The following CDK17 variants were observed in gnomAD, a reference collection of about 807,000 sequenced individuals.
CDK17 encodes cyclin-dependent kinase 17.
CDK17 carries 24 observed loss-of-function variants against 77.6 expected under a neutral mutation model. That is an observed-to-expected ratio of 0.31 (90% CI 0.22 to 0.44). The LOEUF is 0.44. Ranked by LOEUF, CDK17 falls within the 20% of genes least tolerant of loss-of-function variation. The pLI is 1.00. For synonymous variants in CDK17, 203 were observed against 210.4 expected (o/e 0.96, Z 0.30); for missense variants, 429 against 622.5 (o/e 0.69, Z 3.31).
chr12:96,278,973 A>G lies in CDK17; in HGVS notation c.*1269T>C, dbSNP rs1565799418. On this transcript the variant is annotated 3_prime_UTR_variant, in exon 17 of 17. Coordinates refer to ENST00000261211, the MANE Select transcript of CDK17 (RefSeq NM_002595.5). ...TTTTACAGTGAATTTCAGGAAAAGA[A>G]ATTAAGTTATGACTATTTTCATGAT... 6.6e-6 allele frequency: 1 copy of G among 152,554 alleles called. No individual in the cohort carries two copies. Among genetic ancestry groups the G allele is most frequent in the Admixed American group, 6.5e-5 (1 of 15,268 alleles). The allele number at this position is 152,554 out of a possible 1,614,324, so 9.5% of individuals were successfully genotyped here. A position where few individuals can be genotyped will look rare whatever the true frequency, so the allele number is the denominator to read the frequency against.
chr12:96,296,008 T>G (rs1952400218), intron 9 of CDK17, among the ~76,000 whole-genome samples: 1 of 152,232 alleles, frequency 6.6e-6, no homozygotes, highest in Admixed American at 6.5e-5. Flanking sequence ...GTCAACGGTA[T>G]GCCTGAATGA....
At position 96,319,572 on chromosome 12, in the gene CDK17, C is replaced by G. The variant is rs1592725842; in HGVS notation, c.283+4376G>C. 4.9e-5 allele frequency among the ~76,000 whole-genome samples: 7 copies of G among 143,642 alleles called. No individual in the cohort carries two copies. The East Asian group carries it at 1.4e-3, about 29-fold the overall frequency. The allele number at this position is 143,642 out of a possible 152,430, so 94.2% of individuals were successfully genotyped here. A position where few individuals can be genotyped will look rare whatever the true frequency, so the allele number is the denominator to read the frequency against. On this transcript the variant is annotated intron_variant, in intron 3 of 16. Coordinates refer to ENST00000261211, the MANE Select transcript of CDK17 (RefSeq NM_002595.5). ...TCAATAAAATACTGGCAAACGGAAT[C>G]CAGCAGCACATCAAAAAGCTTATCC...
chr12:96,397,767 T>C (rs1468750193), intron 1 of CDK17, among the ~76,000 whole-genome samples: 1 of 152,190 alleles, frequency 6.6e-6, no homozygotes, highest in Non-Finnish European at 1.5e-5. Context: ...AAAAAATCAA[T>C]GGAGCCTCAA....
chr12:96,297,663 G>A lies in CDK17; in HGVS notation c.774C>T (p.His258=), dbSNP rs1952427936. 6.2e-7 allele frequency: 1 copy of A among 1,605,560 alleles called. No homozygotes were observed. The highest frequency in any genetic ancestry group is 1.3e-5 in the African/African-American group (1 of 74,748). Residue 258 remains histidine, a synonymous_variant, in exon 8 of 17, where the codon CAC becomes CAT. Transcript: ENST00000261211. ...ACACCAAAGTCAAGGATTTATCTGT[G>A]TGAACAATGTCATGTAAGGTTACTA... is the stretch of plus-strand genomic sequence containing the variant. ...ANIVTLHDIV[H]TDKSLTLVFE...
In CDK17 at chr12:96,309,495, A is replaced by G. The variant is rs375917333; in HGVS notation, c.543+1557T>C. 2.6e-5 allele frequency among the ~76,000 whole-genome samples: 4 copies of G among 152,362 alleles called. No homozygotes were observed. In the East Asian group the frequency reaches 7.7e-4, roughly 29 times the overall value. The stretch of plus-strand genomic sequence containing the variant: ...GAATTTACATTAAAGTGATACTGCA[A>G]TAAGAAAAGTTATCCTTTGAATAAA... On this transcript the variant is annotated intron_variant, in intron 5 of 16. Coordinates refer to ENST00000261211, the MANE Select transcript of CDK17 (RefSeq NM_002595.5).
rs752257370 is a variant in CDK17, at chr12:96,286,155, TA to T, written c.1217-8del. The T allele has an allele frequency of 8.7e-3, 7,772 of 898,448 alleles. No homozygotes were observed. Among genetic ancestry groups the T allele is most frequent in the Middle Eastern group, 0.011 (28 of 2,502 alleles). 55.7% of individuals were successfully genotyped at this position (898,448 alleles called of 1,614,324 possible). ...GTTTCCTGAGATGGAGTTCCTGAAT[TA>T]AAAAAAAAAATTAAATATATTTATA... On this transcript the variant is annotated splice_polypyrimidine_tract_variant and splice_region_variant and intron_variant, in intron 12 of 16. Transcript: ENST00000261211.
chr12:96,311,992 T>C (rs1418680571), intron 4 of CDK17, among the ~76,000 whole-genome samples: 2 of 152,018 alleles, frequency 1.3e-5, no homozygotes, highest in African/African-American at 4.8e-5. Context: ...TATGTGTATA[T>C]GGGGGAGGGA....
chr12:96,289,330 A>G (rs1952289177), intron 10 of CDK17, 43 bp from the exon 11 acceptor site: 1 of 1,611,088 alleles, frequency 6.2e-7, no homozygotes, highest in Non-Finnish European at 8.5e-7. Flanking sequence ...AAAAGCTTTA[A>G]TGGATCTCTC....
intron 1 of CDK17, among the ~76,000 whole-genome samples, chr12:96,358,469 T>A (rs1359976599): frequency 6.7e-6 from 1 of 149,062 alleles, no homozygotes; most frequent in East Asian, 2.0e-4. Flanking sequence ...GTAAAATGTA[T>A]ACATATATTT....
At chr12:96,287,866 A>C (rs1385374399) in intron 11 of CDK17, among the ~76,000 whole-genome samples, 1 of 152,190 alleles carries the variant, frequency 6.6e-6, no homozygotes, top group East Asian at 1.9e-4. Context: ...CATACACTAC[A>C]ACGTGAATGA....
intron 5 of CDK17, among the ~76,000 whole-genome samples, chr12:96,308,225 T>A (rs1952600550): frequency 1.8e-5 from 2 of 108,846 alleles, no homozygotes; most frequent in East Asian, 2.6e-4. Flanking sequence ...TGAGATGCCA[T>A]CTCTAAAAAA....
intron 2 of CDK17, among the ~76,000 whole-genome samples, chr12:96,325,033 T>C (rs952718519): frequency 2.0e-5 from 3 of 152,160 alleles, no homozygotes; most frequent in African/African-American, 7.2e-5. Context: ...GCTATTTAAT[T>C]ATGCATGGGG....
intron 10 of CDK17, among the ~76,000 whole-genome samples, chr12:96,293,868 A>T (rs972157262): frequency 6.6e-6 from 1 of 152,256 alleles, no homozygotes; most frequent in Non-Finnish European, 1.5e-5. Flanking sequence ...AACTCAAAGC[A>T]GATCCAAATT....
chr12:96,389,235 T>A (rs1056458640), intron 1 of CDK17, among the ~76,000 whole-genome samples: 14 of 151,754 alleles, frequency 9.2e-5, no homozygotes, highest in African/African-American at 3.1e-4. Context: ...TCTGCCTCCC[T>A]AAATGCTGGG....
chr12:96,394,123 G>A (rs900371186), intron 1 of CDK17, among the ~76,000 whole-genome samples: 8 of 151,962 alleles, frequency 5.3e-5, no homozygotes, highest in Non-Finnish European at 2.9e-5. Flanking sequence ...GTGCACGCCT[G>A]TAATCCCAGC....
chr12:96,364,323 A>G (rs1420930461), intron 1 of CDK17, among the ~76,000 whole-genome samples: 1 of 152,190 alleles, frequency 6.6e-6, no homozygotes, highest in Non-Finnish European at 1.5e-5. Context: ...TTAACTTTCT[A>G]AAGAATTCCT....
intron 1 of CDK17, among the ~76,000 whole-genome samples, chr12:96,336,656 C>T (rs1592736510): frequency 6.6e-6 from 1 of 152,120 alleles, no homozygotes; most frequent in South Asian, 2.1e-4. Flanking sequence ...AGTTTAAAGT[C>T]GAGTTTATGC....
Position 96,323,937 on chromosome 12 carries a change from A to C in CDK17, c.283+11T>G. ...AGAAAGGTAAACACAACAGACAAGT[A>C]ATCAAATTACCTAATCTGCTTCCAT... On this transcript the variant is annotated intron_variant, in intron 3 of 16. Coordinates refer to ENST00000261211, the MANE Select transcript of CDK17 (RefSeq NM_002595.5). The C allele has an allele frequency of 2.6e-6, 4 of 1,564,090 alleles. No individual in the cohort carries two copies. Among genetic ancestry groups the C allele is most frequent in the Non-Finnish European group, 3.5e-6 (4 of 1,154,620 alleles).
chr12:96,330,528 T>G (rs1952952111), intron 2 of CDK17, among the ~76,000 whole-genome samples: 1 of 152,190 alleles, frequency 6.6e-6, no homozygotes, highest in African/African-American at 2.4e-5. Flanking sequence ...CTCCTCAGTC[T>G]TTTCTCCCTA....
Sources: gnomAD v4.1 joint callset for allele counts (sites outside exome capture counted in the v4.1 genomes callset) on GRCh38, gnomAD v4.1.1 for gene constraint, MANE v1.5 for transcripts, NCBI Gene and HGNC (gene_info 2026-07-23, HGNC 2026-07-21) for gene names.